MYOM3: variants seen among roughly 807,000 people sequenced by gnomAD.
MYOM3 encodes myomesin-3.
In MYOM3, 155 loss-of-function variants were observed where a neutral mutation model predicts 191.7. The observed-to-expected ratio is 0.81, with a 90% CI of 0.71 to 0.92. MYOM3 has a LOEUF of 0.92. MYOM3 is among the 40% of genes least tolerant of loss of function. The pLI, the probability that MYOM3 is intolerant of heterozygous loss-of-function variation, is 0.00. For missense variants in MYOM3, 1,889 were observed against 1,890.6 expected (o/e 1.00, Z 0.02); for synonymous variants, 757 against 762.9 (o/e 0.99, Z 0.13).
rs145622051 is a variant in MYOM3, at chr1:24,109,036, T to C, written c.-18-382A>G. ...AGACAATGAGTAATTGAAACTGTGA[T>C]GTCCACGGCTGTGTCTATGACTCAG... On this transcript the variant is annotated intron_variant, in intron 1 of 36. Transcript: ENST00000374434. Among the ~76,000 whole-genome samples the C allele has an allele frequency of 4.1e-3, 619 of 152,352 alleles. 7 individuals carry two copies. The highest frequency in any genetic ancestry group is 0.014 in the African/African-American group (582 of 41,570).
chr1:24,100,606 G>A (rs993063852), intron 5 of MYOM3, among the ~76,000 whole-genome samples: 3 of 152,194 alleles, frequency 2.0e-5, no homozygotes, highest in Admixed American at 2.0e-4. Flanking sequence ...CCATGTCCAG[G>A]CCGGGCACGG....
Position 24,108,524 on chromosome 1 carries a change from TGCTGCC to T in MYOM3, c.107_112del (p.Arg36_Gln37del), listed in dbSNP as rs1221828084. The stretch of plus-strand genomic sequence containing the variant: ...CACAGAGGAGCCCATGCGCAGGCTG[TGCTGCC>T]GCTCCTCCTTCTGCTCCTCCTCCTG... On this transcript the variant is annotated inframe_deletion, in exon 2 of 37. Transcript: ENST00000374434. 1.3e-6 allele frequency: 2 copies of T among 1,580,398 alleles called. No homozygotes were observed. Among genetic ancestry groups the T allele is most frequent in the Non-Finnish European group, 1.7e-6 (2 of 1,163,784 alleles).
chr1:24,066,591 A>G (rs1049016723), intron 28 of MYOM3: 1 of 356,090 alleles, frequency 2.8e-6, no homozygotes, highest in Non-Finnish European at 5.1e-6. Flanking sequence ...GCCTTGAGCT[A>G]TTTCTCCATT....
At chr1:24,089,145 T>C (rs913281399) in intron 14 of MYOM3, among the ~76,000 whole-genome samples, 5 of 152,208 alleles carry the variant, frequency 3.3e-5, no homozygotes, top group Non-Finnish European at 5.9e-5. Flanking sequence ...TGCCTGTCCC[T>C]GGCTGGAGGG....
chr1:24,088,466 G>T (rs773431685), intron 14 of MYOM3, among the ~76,000 whole-genome samples: 3 of 152,158 alleles, frequency 2.0e-5, no homozygotes, highest in Non-Finnish European at 4.4e-5. Context: ...TAAGTAACTT[G>T]CCCAAGGTCA....
Position 24,087,528 on chromosome 1 carries a change from G to GTT in MYOM3, c.1615-702_1615-701insAA, listed in dbSNP as rs1643765045. 6.6e-6 allele frequency among the ~76,000 whole-genome samples: 1 copy of GTT among 152,068 alleles called. No homozygotes were observed. The highest frequency in any genetic ancestry group is 6.5e-5 in the Admixed American group (1 of 15,268). Reference sequence around the variant, plus strand: ...TGTGCCTCTCTGCTGTTTCCTGAGGGTCCAAGTCCCACCTCTGGGCCTTTG... The same window carrying GTT: ...TGTGCCTCTCTGCTGTTTCCTGAGGGTTTCCAAGTCCCACCTCTGGGCCTTTG... On this transcript the variant is annotated intron_variant, in intron 14 of 36. Coordinates refer to ENST00000374434, the MANE Select transcript of MYOM3 (RefSeq NM_152372.4). This position sits in a 1 kb window ranked among gnomAD's most constrained non-coding sequence, Gnocchi z 4.5.
intron 34 of MYOM3, 31 bp from the exon 35 acceptor site, chr1:24,061,113 C>G (rs1643364824): frequency 5.6e-6 from 9 of 1,614,134 alleles, no homozygotes; most frequent in Non-Finnish European, 7.6e-6. Flanking sequence ...CAAGGTGTGA[C>G]ATTCCACTTG....
In MYOM3 at chr1:24,064,136, A is replaced by C. The variant is rs1032768962; in HGVS notation, c.3558T>G (p.Ile1186Met). The change falls in exon 30 of 37, where the codon ATT becomes ATG. Residue 1186 changes from isoleucine (I) to methionine (M), a missense_variant. Ile to Met is a conservative substitution (Grantham distance 10). Coordinates refer to ENST00000374434, the MANE Select transcript of MYOM3 (RefSeq NM_152372.4). ...IEELSKKDKG[I>M]YRAMVSDDRG... The stretch of plus-strand genomic sequence containing the variant: ...GATCGTCAGAAACCATCGCTCTGTA[A>C]ATTCCCTTGTCCTTTTTGGACAACT... 5 of 1,613,784 alleles carry C rather than the reference A, an allele frequency of 3.1e-6. No individual in the cohort carries two copies. In the African/African-American group the frequency reaches 5.3e-5, roughly 17 times the overall value.
chr1:24,059,677 C>T (rs1332333694), intron 35 of MYOM3, among the ~76,000 whole-genome samples: 1 of 152,190 alleles, frequency 6.6e-6, no homozygotes, highest in African/African-American at 2.4e-5. Context: ...GCAACAGAAC[C>T]TTTTGCTTTT....
intron 29 of MYOM3, among the ~76,000 whole-genome samples, chr1:24,065,269 C>T (rs1643419710): frequency 6.6e-6 from 1 of 152,182 alleles, no homozygotes; most frequent in Admixed American, 6.5e-5. Context: ...CTGTTTGCTC[C>T]AGTCCTCCTG....
In MYOM3 at chr1:24,063,991, A is replaced by G. The variant is rs915544950; in HGVS notation, c.3622+81T>C. ...TTTCTCCAAGTGACATGGGGATCCC[A>G]TAAATCTTACTGCACAGATCACATC... On this transcript the variant is annotated intron_variant, in intron 30 of 36. Coordinates refer to ENST00000374434, the MANE Select transcript of MYOM3 (RefSeq NM_152372.4). This position sits in a 1 kb window ranked among gnomAD's most constrained non-coding sequence, Gnocchi z 4.5. The G allele has an allele frequency of 1.8e-5, 19 of 1,066,228 alleles. No individual in the cohort carries two copies. The highest frequency in any genetic ancestry group is 2.4e-5 in the Non-Finnish European group (17 of 712,924). 66.0% of individuals were successfully genotyped at this position (1,066,228 alleles called of 1,614,324 possible).
chr1:24,075,104 AAG>A (rs1301983039), intron 22 of MYOM3, among the ~76,000 whole-genome samples: 2 of 134,950 alleles, frequency 1.5e-5, no homozygotes, highest in Non-Finnish European at 3.3e-5. Context: ...AAGAAAAGAA[AAG>A]AAGAGAAAAA....
rs775834244 is a variant in MYOM3 at position 24,064,056 on chromosome 1, C to A, written c.3622+16G>T. Reference sequence around the variant, plus strand: ...TGTGCTCCCTCCACAGCCCCTGACCCATCGCCAGCTCCTACCGTCACCCGT... The same window carrying A: ...TGTGCTCCCTCCACAGCCCCTGACCAATCGCCAGCTCCTACCGTCACCCGT... On this transcript the variant is annotated intron_variant, in intron 30 of 36. Transcript: ENST00000374434. 1 of 1,606,832 alleles carries A rather than the reference C, an allele frequency of 6.2e-7. No homozygotes were observed. Among genetic ancestry groups the A allele is most frequent in the South Asian group, 1.1e-5 (1 of 90,828 alleles).
chr1:24,066,632 AT>A, intron 28 of MYOM3: 1 of 353,508 alleles, frequency 2.8e-6, no homozygotes, highest in East Asian at 5.5e-5. Flanking sequence ...GAGGATAGTA[AT>A]GCCTGTGTCA....
chr1:24,095,466 C>T lies in MYOM3; in HGVS notation c.766G>A (p.Gly256Ser), dbSNP rs987209103. 1 of 1,612,922 alleles carries T rather than the reference C, an allele frequency of 6.2e-7. No individual in the cohort carries two copies. Among genetic ancestry groups the T allele is most frequent in the Non-Finnish European group, 8.5e-7 (1 of 1,179,352 alleles). ...LVRTYLGKDA[G>S]FDSEIFKRST... Reference sequence around the variant, plus strand: ...CTTTTGAAGATCTCTGAATCGAAGCCAGCATCCTTCCCCAGGTAAGCTGAA... The same window carrying T: ...CTTTTGAAGATCTCTGAATCGAAGCTAGCATCCTTCCCCAGGTAAGCTGAA... The change falls in exon 8 of 37, where the codon GGC becomes AGC. Residue 256 changes from glycine to serine, a missense_variant. Gly to Ser is a moderately conservative substitution (Grantham distance 56). Transcript: ENST00000374434.
chr1:24,075,213 A>G lies in MYOM3; in HGVS notation c.2858+106T>C, dbSNP rs557545549. On this transcript the variant is annotated intron_variant, in intron 22 of 36. Coordinates refer to ENST00000374434, the MANE Select transcript of MYOM3 (RefSeq NM_152372.4). ...AAAGACTGAGCAGCGCCTTTCAACC[A>G]TCATGGATGGGTCCTGCCCTGTGGT... The G allele has an allele frequency of 4.0e-4, 463 of 1,147,906 alleles. No homozygotes were observed. In the African/African-American group the frequency reaches 6.2e-3, roughly 15 times the overall value. The allele number at this position is 1,147,906 out of a possible 1,614,324, so 71.1% of individuals were successfully genotyped here.
chr1:24,076,186 C>G lies in MYOM3; in HGVS notation c.2674G>C (p.Asp892His). The G allele has an allele frequency of 6.2e-7, 1 of 1,614,154 alleles. No individual in the cohort carries two copies. The highest frequency in any genetic ancestry group is 2.2e-5 in the East Asian group (1 of 44,882). Residue 892 changes from aspartate to histidine, a missense_variant, in exon 21 of 37, where the codon GAT becomes CAT. Physicochemically the swap from Asp to His is moderately conservative, Grantham distance 81 (BLOSUM62 -1). Coordinates refer to ENST00000374434, the MANE Select transcript of MYOM3 (RefSeq NM_152372.4). ...GGCTTGTCCTCCAGGAGCACGGGAT[C>G]AGTGGGCATGGACGGTTGCCCCAGA... ...AGLGQPSMPT[D>H]PVLLEDKPGA...
In MYOM3 at chr1:24,064,178, G is replaced by A. The variant is rs778555646; in HGVS notation, c.3535-19C>T. The A allele has an allele frequency of 1.0e-5, 16 of 1,600,284 alleles. No individual in the cohort carries two copies. The highest frequency in any genetic ancestry group is 4.4e-5 in the South Asian group (4 of 90,664). Reference sequence around the variant, plus strand: ...TGGACAACTGGAAAGAAGGATGAGCGATGGTGGTGTCAGCATGGGCTCCAG... The same window carrying A: ...TGGACAACTGGAAAGAAGGATGAGCAATGGTGGTGTCAGCATGGGCTCCAG... On this transcript the variant is annotated intron_variant, in intron 29 of 36. Transcript: ENST00000374434.
intron 28 of MYOM3, chr1:24,066,812 A>C: frequency 1.8e-6 from 1 of 541,574 alleles, no homozygotes; most frequent in South Asian, 2.8e-5. Flanking sequence ...GGTCCACCTC[A>C]CACGAATCCT....
Sources: gnomAD v4.1 joint callset for allele counts (sites outside exome capture counted in the v4.1 genomes callset) on GRCh38, gnomAD v4.1.1 for gene constraint, Gnocchi (gnomAD v3.1) non-coding constraint, MANE v1.5 for transcripts, NCBI Gene and HGNC (gene_info 2026-07-23, HGNC 2026-07-21) for gene names.